WDFY3: variants seen among roughly 807,000 people sequenced by gnomAD.
WDFY3 encodes the protein WD repeat and FYVE domain-containing protein 3.
WDFY3 carries 66 observed loss-of-function variants against 409.6 expected under a neutral mutation model. The ratio of observed to expected loss-of-function variants is 0.16; its 90% CI spans 0.13 to 0.20. The LOEUF (loss-of-function observed/expected upper bound fraction) is 0.20. Among genes scored for constraint, WDFY3 ranks in the 10% least tolerant of loss-of-function variants. The pLI is 1.00. For synonymous variants in WDFY3, 1,521 were observed against 1,537.1 expected (o/e 0.99, Z 0.25); for missense variants, 3,031 against 4,298.1 (o/e 0.71, Z 8.24).
intron 49 of WDFY3, 37 bp from the exon 50 acceptor site, chr4:84,715,420 A>G (rs1331794416): frequency 1.8e-6 from 2 of 1,124,284 alleles, no homozygotes; most frequent in Non-Finnish European, 2.7e-6. Context: ...AAGAAAAAAC[A>G]GAAGTTCACA....
chr4:84,830,402 C>T (rs1755528904), intron 8 of WDFY3, among the ~76,000 whole-genome samples: 1 of 151,964 alleles, frequency 6.6e-6, no homozygotes, highest in South Asian at 2.1e-4. Context: ...ATGATCTTAC[C>T]CAACTATAGG....
rs2149516513 is a variant in WDFY3, at chr4:84,786,224, TGAG to T, written c.3902-88_3902-86del. 3.7e-6 allele frequency: 5 copies of T among 1,333,812 alleles called. No homozygotes were observed. In the South Asian group the frequency reaches 4.9e-5, roughly 13 times the overall value. The allele number at this position is 1,333,812 out of a possible 1,614,324, so 82.6% of individuals were successfully genotyped here. A position where few individuals can be genotyped will look rare whatever the true frequency, so the allele number is the denominator to read the frequency against. ...TTTTATTCTTACTATCATTTTTAAA[TGAG>T]GAGGCTTGAAAGTCTTAAAGTAGAA... is the stretch of plus-strand genomic sequence containing the variant. On this transcript the variant is annotated intron_variant, in intron 23 of 67. Coordinates refer to ENST00000295888, the MANE Select transcript of WDFY3 (RefSeq NM_014991.6).
intron 30 of WDFY3, among the ~76,000 whole-genome samples, chr4:84,767,088 A>C (rs543831574): frequency 6.6e-6 from 1 of 152,116 alleles, no homozygotes; most frequent in Admixed American, 6.5e-5. Flanking sequence ...TGGCAACCAC[A>C]CATACAGCAA....
intron 47 of WDFY3, among the ~76,000 whole-genome samples, chr4:84,720,987 G>A (rs1235627254): frequency 6.6e-6 from 1 of 152,204 alleles, no homozygotes; most frequent in Non-Finnish European, 1.5e-5. Flanking sequence ...GTGAGTGAAG[G>A]AGAGCAGGGG....
intron 3 of WDFY3, among the ~76,000 whole-genome samples, chr4:84,883,199 T>C (rs1317011511): frequency 6.6e-6 from 1 of 152,206 alleles, no homozygotes; most frequent in Non-Finnish European, 1.5e-5. Context: ...TCATTAGACA[T>C]GTCCTAATTA....
chr4:84,895,082 C>T (rs1765458541), intron 3 of WDFY3, among the ~76,000 whole-genome samples: 2 of 151,578 alleles, frequency 1.3e-5, no homozygotes, highest in South Asian at 4.2e-4. Context: ...TTTTATTAAA[C>T]TTTAAAAACA....
rs778422608 is a variant in WDFY3, at chr4:84,817,494, C to T, written c.1785G>A (p.Gln595=). Residue 595 remains glutamine (Q), a synonymous_variant, in exon 13 of 68, where the codon CAG becomes CAA. Coordinates refer to ENST00000295888, the MANE Select transcript of WDFY3 (RefSeq NM_014991.6). ...CRQHALMTIQ[Q]LVLSPNGDDD... ...CGTCCCCATTTGGGGAGAGCACCAG[C>T]TGTTGGATAGTCATCAAGGCATGCT... The T allele has an allele frequency of 8.1e-6, 13 of 1,613,688 alleles. No individual in the cohort carries two copies. In the South Asian group the frequency reaches 1.3e-4, roughly 16 times the overall value.
chr4:84,878,335 G>C (rs935374776), intron 3 of WDFY3, among the ~76,000 whole-genome samples: 10 of 152,052 alleles, frequency 6.6e-5, no homozygotes, highest in Non-Finnish European at 2.9e-5. Flanking sequence ...AATGAGGCTG[G>C]AATGTATGTT....
intron 46 of WDFY3, among the ~76,000 whole-genome samples, chr4:84,723,839 A>G (rs1324087735): frequency 6.6e-6 from 1 of 152,244 alleles, no homozygotes; most frequent in Admixed American, 6.5e-5. Context: ...GAGAAGCTGT[A>G]GAAAAGAAGA....
chr4:84,677,137 AC>A, intron 67 of WDFY3, 61 bp downstream of exon 67: 1 of 1,588,286 alleles, frequency 6.3e-7, no homozygotes, highest in African/African-American at 1.3e-5. Context: ...TGTGTGCAGG[AC>A]ATAATTAACA....
chr4:84,902,530 A>T (rs555770930), intron 2 of WDFY3, among the ~76,000 whole-genome samples: 32 of 152,338 alleles, frequency 2.1e-4, no homozygotes, highest in Admixed American at 3.9e-4. Context: ...GGAAGAACTC[A>T]GGAGTGACCA....
intron 2 of WDFY3, among the ~76,000 whole-genome samples, chr4:84,918,849 A>G (rs1462426469): frequency 6.6e-6 from 1 of 151,296 alleles, no homozygotes; most frequent in African/African-American, 2.4e-5. Context: ...ACACACACAC[A>G]CATATATATA....
chr4:84,961,341 A>C (rs1774887140), intron 1 of WDFY3, among the ~76,000 whole-genome samples: 3 of 152,194 alleles, frequency 2.0e-5, no homozygotes, highest in Admixed American at 2.0e-4. Context: ...AATCCCATCA[A>C]AGCAAATTGT....
intron 61 of WDFY3, 72 bp from the exon 62 acceptor site, chr4:84,688,337 C>T: frequency 6.8e-7 from 1 of 1,475,200 alleles, no homozygotes; most frequent in Non-Finnish European, 9.2e-7. Context: ...TCCAGAAGCT[C>T]CTGGATGCAT....
chr4:84,815,192 A>G (rs1753113675), intron 13 of WDFY3, among the ~76,000 whole-genome samples: 1 of 152,128 alleles, frequency 6.6e-6, no homozygotes, highest in African/African-American at 2.4e-5. Context: ...GGTTAAACAC[A>G]CTGGTTTGTC....
chr4:84,945,516 G>C (rs1477829287), intron 1 of WDFY3, among the ~76,000 whole-genome samples: 4 of 152,202 alleles, frequency 2.6e-5, no homozygotes, highest in African/African-American at 9.7e-5. Context: ...AGATGCCCAG[G>C]GACCTCACTA....
chr4:84,916,208 G>A, intron 2 of WDFY3, among the ~76,000 whole-genome samples: 1 of 151,978 alleles, frequency 6.6e-6, no homozygotes, highest in Non-Finnish European at 1.5e-5. Context: ...ACAGGCAAAA[G>A]GTAAGTTCAT....
chr4:84,712,373 T>TAAAAAAAAAAAA (rs998951453), intron 51 of WDFY3, among the ~76,000 whole-genome samples: 14 of 75,054 alleles, frequency 1.9e-4, no homozygotes, highest in East Asian at 3.7e-4. Context: ...AGAAAAAAAT[T>TAAAAAAAAAAAA]AAAAAAAAAA....
chr4:84,905,651 C>T (rs994024456), intron 2 of WDFY3, among the ~76,000 whole-genome samples: 14 of 152,196 alleles, frequency 9.2e-5, no homozygotes, highest in Admixed American at 5.9e-4. Flanking sequence ...GGACAGGTAA[C>T]AGAAACTATA....
Sources: allele counts gnomAD v4.1 joint callset (sites outside exome capture counted in the v4.1 genomes callset), GRCh38; gene constraint gnomAD v4.1.1; transcripts MANE v1.5; gene names NCBI Gene and HGNC (gene_info 2026-07-23, HGNC 2026-07-21).